Variants in DAB2 observed in about 807,000 individuals in gnomAD.
DAB2 encodes the protein disabled homolog 2.
A neutral mutation model predicts 71.6 loss-of-function variants in DAB2; 28 were observed. The observed-to-expected ratio is 0.39, with a 90% CI of 0.29 to 0.54. The LOEUF (loss-of-function observed/expected upper bound fraction) is 0.54, where lower values mean the gene tolerates loss of function less well. Among genes scored for constraint, DAB2 ranks in the 20% least tolerant of loss-of-function variants. The pLI is 0.68. For synonymous variants in DAB2, 345 were observed against 339.7 expected (o/e 1.02, Z -0.17); for missense variants, 867 against 928.8 (o/e 0.93, Z 0.86).
chr5:39,384,666 A>G (rs1056494892), intron 9 of DAB2, among the ~76,000 whole-genome samples: 2 of 152,162 alleles, frequency 1.3e-5, no homozygotes, highest in African/African-American at 4.8e-5. Context: ...TAAAAGCAGT[A>G]AATTTGATGA....
At chr5:39,418,785 C>A (rs3849768) in intron 1 of DAB2, among the ~76,000 whole-genome samples, 31,423 of 152,170 alleles carry the variant, frequency 0.21, 3,320 homozygotes, top group Admixed American at 0.27. Context: ...ACAATGAGAA[C>A]AAGACCATTT....
Position 39,388,326 on chromosome 5 carries a change from A to G in DAB2, c.666T>C (p.Pro222=). ...TTACTGTTGGACTATTTAGGTCAGG[A>G]GGTGTAGACATGTCCCCAAACAAAT... is the stretch of plus-strand genomic sequence containing the variant. The part of the protein sequence containing the change: ...QMDLFGDMST[P]PDLNSPTESK... Residue 222 remains proline (P), a synonymous_variant, in exon 9 of 15, where the codon CCT becomes CCC. Coordinates refer to ENST00000320816, the MANE Select transcript of DAB2 (RefSeq NM_001343.4). 8 of 1,612,520 alleles carry G rather than the reference A, an allele frequency of 5.0e-6. No individual in the cohort carries two copies. Among genetic ancestry groups the G allele is most frequent in the Non-Finnish European group, 6.8e-6 (8 of 1,178,914 alleles).
chr5:39,409,455 G>GATGAGC (rs911365142), intron 1 of DAB2, among the ~76,000 whole-genome samples: 10 of 152,146 alleles, frequency 6.6e-5, no homozygotes, highest in African/African-American at 2.4e-4. Context: ...TGCAGAAATA[G>GATGAGC]ATGAGCATAG....
intron 9 of DAB2, among the ~76,000 whole-genome samples, chr5:39,386,285 T>A (rs1391899854): frequency 6.6e-6 from 1 of 152,224 alleles, no homozygotes; most frequent in Non-Finnish European, 1.5e-5. Context: ...AAAACTTTTC[T>A]GTATAAATTT....
chr5:39,398,442 T>C (rs962916904), intron 1 of DAB2, among the ~76,000 whole-genome samples: 2 of 152,230 alleles, frequency 1.3e-5, no homozygotes, highest in Non-Finnish European at 2.9e-5. Flanking sequence ...TTGATTTCCT[T>C]TGACTATATC....
At chr5:39,378,137 T>G (rs1198072460) in intron 11 of DAB2, among the ~76,000 whole-genome samples, 2 of 152,182 alleles carry the variant, frequency 1.3e-5, no homozygotes, top group Non-Finnish European at 2.9e-5. Context: ...CTGATCTTTG[T>G]GGTGAATGGC....
rs548073161 is a variant in DAB2, at chr5:39,398,968, G to T, written c.-101-4547C>A. ...TTGCATCCATAAAACTTTTAGCAGG[G>T]TTTTTAATGAGTTGAATTTAAAAAA... On this transcript the variant is annotated intron_variant, in intron 1 of 14. Coordinates refer to ENST00000320816, the MANE Select transcript of DAB2 (RefSeq NM_001343.4). Among the ~76,000 whole-genome samples the T allele has an allele frequency of 2.6e-5, 4 of 152,250 alleles. No individual in the cohort carries two copies. In the East Asian group the frequency reaches 7.7e-4, roughly 29 times the overall value.
chr5:39,378,597 A>G (rs1754887098), intron 11 of DAB2, among the ~76,000 whole-genome samples: 1 of 152,240 alleles, frequency 6.6e-6, no homozygotes, highest in Non-Finnish European at 1.5e-5. Context: ...CCATCTGGCC[A>G]TGGGCACACA....
At chr5:39,374,266 A>G (rs1168783549) in intron 14 of DAB2, among the ~76,000 whole-genome samples, 1 of 141,920 alleles carries the variant, frequency 7.0e-6, no homozygotes, top group Non-Finnish European at 1.6e-5. Flanking sequence ...CAGCTGGCCT[A>G]CCTGCTCTAA....
At chr5:39,389,014 G>T in intron 7 of DAB2, 83 bp downstream of exon 7, 1 of 1,381,922 alleles carries the variant, frequency 7.2e-7, no homozygotes, top group Non-Finnish European at 1.0e-6. Flanking sequence ...TAAGCGAGGT[G>T]GCGAGAGTGG....
chr5:39,381,862 C>A (rs2112034626), intron 10 of DAB2, among the ~76,000 whole-genome samples: 1 of 152,320 alleles, frequency 6.6e-6, no homozygotes, highest in East Asian at 1.9e-4. Context: ...AAAGTGAAAT[C>A]TACTATATTC....
intron 11 of DAB2, among the ~76,000 whole-genome samples, chr5:39,378,050 CAG>C (rs1448683702): frequency 6.6e-6 from 1 of 152,178 alleles, no homozygotes; most frequent in Non-Finnish European, 1.5e-5. Context: ...GAAGTTAGAA[CAG>C]AGAATTTAAA....
chr5:39,397,103 G>A (rs894220483), intron 1 of DAB2, among the ~76,000 whole-genome samples: 2 of 152,136 alleles, frequency 1.3e-5, no homozygotes, highest in Non-Finnish European at 2.9e-5. Context: ...CTTATGACTT[G>A]AGACTCCTGG....
chr5:39,387,241 C>T (rs762325211), intron 9 of DAB2, among the ~76,000 whole-genome samples: 10 of 152,180 alleles, frequency 6.6e-5, no homozygotes, highest in Non-Finnish European at 8.8e-5. Flanking sequence ...GCTTCAACTC[C>T]TGTAACCTTG....
chr5:39,385,857 C>T (rs1379353965), intron 9 of DAB2, among the ~76,000 whole-genome samples: 1 of 152,204 alleles, frequency 6.6e-6, no homozygotes, highest in African/African-American at 2.4e-5. Context: ...ATAAGACCCA[C>T]GTTGTTTCTA....
At chr5:39,393,487 T>G in intron 2 of DAB2, 94 bp from the exon 3 acceptor site, 1 of 1,239,450 alleles carries the variant, frequency 8.1e-7, no homozygotes, top group South Asian at 1.4e-5. Context: ...ATATAAATCC[T>G]GATTATACTA....
chr5:39,420,502 C>T (rs545199644), intron 1 of DAB2, among the ~76,000 whole-genome samples: 1 of 152,298 alleles, frequency 6.6e-6, no homozygotes, highest in East Asian at 1.9e-4. Context: ...CAACGTAACA[C>T]TCACTCAGCC....
In DAB2 at chr5:39,422,271, A is replaced by C. The variant is rs942271100; in HGVS notation, c.-102+2533T>G. On this transcript the variant is annotated intron_variant, in intron 1 of 14. Transcript: ENST00000320816. The surrounding 1 kb of genome is among the most constrained non-coding windows in gnomAD (Gnocchi z 4.1). ...TTCTGGTTCTGTCTAAAGGGTAAAA[A>C]ACCTTATGTGTTTGGTTAGTTACCT... is the stretch of plus-strand genomic sequence containing the variant. Among the ~76,000 whole-genome samples, 7 of 152,074 alleles carry C rather than the reference A, an allele frequency of 4.6e-5. No individual in the cohort carries two copies. Among genetic ancestry groups the C allele is most frequent in the Non-Finnish European group, 7.4e-5 (5 of 68,012 alleles).
intron 9 of DAB2, chr5:39,385,169 A>G (rs542034516): frequency 1.3e-5 from 2 of 152,294 alleles, no homozygotes; most frequent in Non-Finnish European, 2.9e-5. Context: ...CACAAGAAAG[A>G]GCTTATAATT....
Sources: gnomAD v4.1 joint callset for allele counts (sites outside exome capture counted in the v4.1 genomes callset) on GRCh38, gnomAD v4.1.1 for gene constraint, Gnocchi (gnomAD v3.1) non-coding constraint, MANE v1.5 for transcripts, NCBI Gene and HGNC (gene_info 2026-07-23, HGNC 2026-07-21) for gene names.